The following SUSD1 variants were observed in gnomAD, a reference collection of about 807,000 sequenced individuals.
The protein encoded by SUSD1 is sushi domain containing 1.
In SUSD1, 65 loss-of-function variants were observed where a neutral mutation model predicts 86.9. That is an observed-to-expected ratio of 0.75 (90% CI 0.61 to 0.92). SUSD1 has a LOEUF of 0.92. SUSD1 is among the 40% of genes least tolerant of loss of function. The pLI is 0.00. For missense variants in SUSD1, 850 were observed against 929.7 expected, an observed-to-expected ratio of 0.91 and a Z score of 1.11; for synonymous variants, 346 against 350.0, an observed-to-expected ratio of 0.99 and a Z score of 0.13.
intron 6 of SUSD1, among the ~76,000 whole-genome samples, chr9:112,115,808 C>CA (rs1406590665): frequency 0.18 from 10,788 of 59,138 alleles, 1,026 homozygotes; most frequent in East Asian, 0.3. Flanking sequence ...GACTCCATTG[C>CA]AAAAAAAAAA....
intron 10 of SUSD1, among the ~76,000 whole-genome samples, chr9:112,092,495 CTGGA>C (rs1221606056): frequency 3.9e-5 from 6 of 152,106 alleles, no homozygotes; most frequent in Non-Finnish European, 8.8e-5. Flanking sequence ...CCCTTTCTGG[CTGGA>C]TGGGAAAACT....
intron 8 of SUSD1, among the ~76,000 whole-genome samples, chr9:112,107,828 A>T (rs1830917056): frequency 6.6e-6 from 1 of 152,220 alleles, no homozygotes; most frequent in African/African-American, 2.4e-5. Context: ...AACCAATAAG[A>T]ATTTCTAAGA....
At chr9:112,093,739 G>A (rs1180313633) in intron 10 of SUSD1, among the ~76,000 whole-genome samples, 1 of 152,172 alleles carries the variant, frequency 6.6e-6, no homozygotes, top group African/African-American at 2.4e-5. Flanking sequence ...GGGGCCTTGA[G>A]TATAAAGATA....
intron 2 of SUSD1, among the ~76,000 whole-genome samples, chr9:112,153,290 A>G (rs1833145456): frequency 6.6e-6 from 1 of 151,918 alleles, no homozygotes; most frequent in South Asian, 2.1e-4. Flanking sequence ...ATTCTAAGAC[A>G]CAAACACACA....
At chr9:112,065,359 G>A (rs1331122674) in intron 12 of SUSD1, among the ~76,000 whole-genome samples, 1 of 151,846 alleles carries the variant, frequency 6.6e-6, no homozygotes, top group Admixed American at 6.6e-5. Context: ...CCCATCTCTA[G>A]TAAAAAAATA....
At chr9:112,042,163 T>C in intron 15 of SUSD1, 5 of 1,537,542 alleles carry the variant, frequency 3.3e-6, no homozygotes, top group Non-Finnish European at 4.4e-6. Context: ...TTACAAGGTA[T>C]TTCTGAAAAG....
intron 1 of SUSD1, among the ~76,000 whole-genome samples, chr9:112,168,528 C>T (rs2131857973): frequency 6.6e-6 from 1 of 152,336 alleles, no homozygotes; most frequent in Admixed American, 6.5e-5. Flanking sequence ...AGGCTGCCAG[C>T]TTCTGAGAAA....
rs778835275 is a variant in SUSD1, at chr9:112,058,413, T to G, written c.2109+15A>C. 1.9e-6 allele frequency: 3 copies of G among 1,609,466 alleles called. No homozygotes were observed. The Admixed American group carries it at 5.0e-5, about 27-fold the overall frequency. On this transcript the variant is annotated intron_variant, in intron 14 of 16. Transcript: ENST00000374270. Reference sequence around the variant, plus strand: ...AGAAAATACAGAGTTCACAAGAGCTTGGAAAGAAAGATACCTTATTCCATT... The same window carrying G: ...AGAAAATACAGAGTTCACAAGAGCTGGGAAAGAAAGATACCTTATTCCATT...
intron 1 of SUSD1, among the ~76,000 whole-genome samples, chr9:112,165,990 A>AAAGAAAGAAAGG (rs1564358447): frequency 6.6e-6 from 1 of 151,684 alleles, no homozygotes; most frequent in Non-Finnish European, 1.5e-5. Flanking sequence ...AGAAAGAAAG[A>AAAGAAAGAAAGG]AAGAAAATAA....
At chr9:112,094,074 C>T (rs1220025995) in intron 10 of SUSD1, among the ~76,000 whole-genome samples, 1 of 152,088 alleles carries the variant, frequency 6.6e-6, no homozygotes, top group Non-Finnish European at 1.5e-5. Context: ...GGCCTGAAAG[C>T]TTGCTAGAAA....
At chr9:112,156,036 G>GAGA (rs1192032098) in intron 2 of SUSD1, among the ~76,000 whole-genome samples, 1 of 151,198 alleles carries the variant, frequency 6.6e-6, no homozygotes, top group East Asian at 1.9e-4. Flanking sequence ...AGAGAAGGAA[G>GAGA]AGAAGAAGAA....
intron 1 of SUSD1, among the ~76,000 whole-genome samples, chr9:112,164,836 T>C (rs144356737): frequency 0.013 from 1,967 of 152,072 alleles, 45 homozygotes; most frequent in African/African-American, 0.045. Context: ...CCCAGTTACT[T>C]GGGAGGCTGA....
intron 15 of SUSD1, among the ~76,000 whole-genome samples, chr9:112,048,842 A>C (rs911186685): frequency 6.6e-6 from 1 of 152,242 alleles, no homozygotes; most frequent in African/African-American, 2.4e-5. Context: ...TCGTCAAGTA[A>C]TTATATGAGC....
intron 1 of SUSD1, among the ~76,000 whole-genome samples, chr9:112,172,554 T>A (rs889831590): frequency 2.6e-5 from 4 of 152,170 alleles, no homozygotes; most frequent in Non-Finnish European, 5.9e-5. Flanking sequence ...TCTCTCCAAA[T>A]CCATAACAGC....
At chr9:112,144,351 A>C (rs1216300441) in intron 3 of SUSD1, among the ~76,000 whole-genome samples, 1 of 152,222 alleles carries the variant, frequency 6.6e-6, no homozygotes, top group East Asian at 1.9e-4. Context: ...AAATATATCC[A>C]GTCACTATAA....
chr9:112,143,453 T>C lies in SUSD1; in HGVS notation c.526+18A>G, dbSNP rs777175198. 3.7e-6 allele frequency: 6 copies of C among 1,609,272 alleles called. No homozygotes were observed. The Admixed American group carries it at 1.0e-4, about 27-fold the overall frequency. On this transcript the variant is annotated intron_variant, in intron 4 of 16. Transcript: ENST00000374270. ...AGAATTTCACGTTGAGATGCCGCAA[T>C]TTTTGGCAGAAACCCACCTGTGCAT...
intron 3 of SUSD1, 139 bp downstream of exon 3, chr9:112,149,105 A>C: frequency 8.2e-7 from 1 of 1,222,614 alleles, no homozygotes; most frequent in Non-Finnish European, 1.1e-6. Flanking sequence ...TCCCAAAATA[A>C]GAATATTATC....
At chr9:112,080,556 T>C (rs965044374) in intron 10 of SUSD1, among the ~76,000 whole-genome samples, 4 of 151,866 alleles carry the variant, frequency 2.6e-5, no homozygotes, top group Non-Finnish European at 4.4e-5. Flanking sequence ...GGCGTGGTGG[T>C]GTGTGCCTGT....
At chr9:112,070,587 G>C (rs1829226052) in intron 12 of SUSD1, among the ~76,000 whole-genome samples, 1 of 152,202 alleles carries the variant, frequency 6.6e-6, no homozygotes, top group South Asian at 2.1e-4. Flanking sequence ...TGAGATGGGA[G>C]AGGAACCAGA....
Sources: allele counts gnomAD v4.1 joint callset (sites outside exome capture counted in the v4.1 genomes callset), GRCh38; gene constraint gnomAD v4.1.1; transcripts MANE v1.5; gene names NCBI Gene and HGNC (gene_info 2026-07-23, HGNC 2026-07-21).